ZNF324B: variants seen among roughly 807,000 people sequenced by gnomAD.
ZNF324B encodes the protein zinc finger protein 324B.
In ZNF324B, 7 loss-of-function variants were observed where a neutral mutation model predicts 10.6. The observed-to-expected ratio is 0.66, with a 90% CI of 0.38 to 1.24. The LOEUF is 1.24. Among genes scored for constraint, ZNF324B ranks in the 50% most tolerant of loss-of-function variants. The pLI is 0.02. For missense variants in ZNF324B, 640 were observed against 764.7 expected (o/e 0.84, Z 1.92); for synonymous variants, 316 against 321.0 (o/e 0.98, Z 0.17).
In ZNF324B at chr19:58,456,124, G is replaced by A. The variant is rs1365234100; in HGVS notation, c.1180G>A (p.Glu394Lys). 5 of 1,613,428 alleles carry A rather than the reference G, an allele frequency of 3.1e-6. No individual in the cohort carries two copies. The highest frequency in any genetic ancestry group is 1.1e-5 in the South Asian group (1 of 91,082). ...LIQHERTHTGEKPFVCALCGA... is the reference protein window; with the variant it reads ...LIQHERTHTGKKPFVCALCGA... The stretch of plus-strand genomic sequence containing the variant: ...CCAGCACGAGCGTACGCACACAGGC[G>A]AGAAGCCCTTCGTATGCGCGCTCTG... The change falls in exon 4 of 4, where the codon GAG becomes AAG. Residue 394 changes from glutamate (E) to lysine (K), a missense_variant. Around this residue, in one of 3 missense-constraint regions of ZNF324B, gnomAD observed 238 missense variants for 258.0 expected, o/e 0.92. Transcript: ENST00000336614. This position sits in a 1 kb window ranked among gnomAD's most constrained non-coding sequence, Gnocchi z 4.7.
the ZNF324B span, chr19:58,445,153 G>C: frequency 3.5e-6 from 1 of 286,770 alleles, no homozygotes. Context: ...ACCGGAAAAT[G>C]GTTGTACAAA....
rs779972513 is a variant in ZNF324B at position 58,454,507 on chromosome 19, C to T, written c.238+163C>T. 3 of 608,788 alleles carry T rather than the reference C, an allele frequency of 4.9e-6. No individual in the cohort carries two copies. The South Asian group carries it at 6.0e-5, about 12-fold the overall frequency. 37.7% of individuals were successfully genotyped at this position (608,788 alleles called of 1,614,324 possible). A position where few individuals can be genotyped will look rare whatever the true frequency, so the allele number is the denominator to read the frequency against. On this transcript the variant is annotated intron_variant, in intron 3 of 3. Coordinates refer to ENST00000336614, the MANE Select transcript of ZNF324B (RefSeq NM_207395.3). The stretch of plus-strand genomic sequence containing the variant: ...TGGAGGCTGCTGCCTTAGTAGGTGC[C>T]CTTGAAGGGAGAGCTCCAAGGGCAC...
At position 58,456,241 on chromosome 19, in the gene ZNF324B, T is replaced by G. The variant is rs765855627; in HGVS notation, c.1297T>G (p.Ser433Ala). 4.0e-5 allele frequency: 65 copies of G among 1,612,642 alleles called. No individual in the cohort carries two copies. Among genetic ancestry groups the G allele is most frequent in the Non-Finnish European group, 5.1e-5 (60 of 1,179,792 alleles). Reference sequence around the variant, plus strand: ...CTTCGCCTGCGCCCAGTGCGGCCGCTCCTTTAGCCGCAGCTCCAACCTCAC... The same window carrying G: ...CTTCGCCTGCGCCCAGTGCGGCCGCGCCTTTAGCCGCAGCTCCAACCTCAC... ...KPFACAQCGR[S>A]FSRSSNLTQH... The change falls in exon 4 of 4, where the codon TCC becomes GCC. Residue 433 changes from serine to alanine, a missense_variant. By Grantham distance (99) the Ser-to-Ala change is moderately conservative. Around this residue, in one of 3 missense-constraint regions of ZNF324B, gnomAD observed 238 missense variants for 258.0 expected, o/e 0.92. Coordinates refer to ENST00000336614, the MANE Select transcript of ZNF324B (RefSeq NM_207395.3). This position sits in a 1 kb window ranked among gnomAD's most constrained non-coding sequence, Gnocchi z 4.7.
the ZNF324B span, chr19:58,435,449 A>G: frequency 4.3e-6 from 2 of 465,626 alleles, no homozygotes; most frequent in Non-Finnish European, 7.6e-6. Context: ...GGGTCAAAGG[A>G]CTTAAATAGA....
chr19:58,455,816 G>A lies in ZNF324B; in HGVS notation c.872G>A (p.Gly291Asp), dbSNP rs543420846. The change falls in exon 4 of 4, where the codon GGC (glycine) becomes GAC (aspartate). Residue 291 changes from glycine to aspartate, a missense_variant. By Grantham distance (94) the Gly-to-Asp change is moderately conservative (BLOSUM62 -1). This residue lies in a region of ZNF324B where 345 missense variants were observed against 387.9 expected (regional missense o/e 0.89). Coordinates refer to ENST00000336614, the MANE Select transcript of ZNF324B (RefSeq NM_207395.3). This position sits in a 1 kb window ranked among gnomAD's most constrained non-coding sequence, Gnocchi z 7.0. ...CGGCCCTACGAGTGCACCCAGTGCG[G>A]CAAGGCCTTCAGCCAGACGTCGCAC... ...GERPYECTQC[G>D]KAFSQTSHLT... The A allele has an allele frequency of 6.2e-7, 1 of 1,614,104 alleles. No individual in the cohort carries two copies. The highest frequency in any genetic ancestry group is 1.3e-5 in the African/African-American group (1 of 75,070).
At chr19:58,421,765 A>G in the ZNF324B span, among the ~76,000 whole-genome samples, 1 of 152,230 alleles carries the variant, frequency 6.6e-6, no homozygotes, top group Admixed American at 6.5e-5. Flanking sequence ...AGACTTGTAC[A>G]CTGAAAACTA....
chr19:58,423,261 C>T, the ZNF324B span, among the ~76,000 whole-genome samples: 2 of 152,138 alleles, frequency 1.3e-5, no homozygotes, highest in East Asian at 1.9e-4. Context: ...CCGGGGTTCT[C>T]GCCATTCTCC....
Position 58,453,824 on chromosome 19 carries a change from TA to T in ZNF324B, c.121+4del. 6 of 1,613,422 alleles carry T rather than the reference TA, an allele frequency of 3.7e-6. No individual in the cohort carries two copies. Among genetic ancestry groups the T allele is most frequent in the Non-Finnish European group, 5.1e-6 (6 of 1,179,556 alleles). ...ACTTCACACTTGTGACCTCACTTGG[TA>T]AGGCCCTGGGTGCTCCATGAAAAGT... On this transcript the variant is annotated splice_donor_region_variant and intron_variant, in intron 2 of 3. Transcript: ENST00000336614.
At chr19:58,433,649 A>G in the ZNF324B span, 1 of 1,614,160 alleles carries the variant, frequency 6.2e-7, no homozygotes, top group East Asian at 2.2e-5. Context: ...CTGCATTTAT[A>G]AGGCTTTTCT....
Position 58,453,682 on chromosome 19 carries a change from C to T in ZNF324B, c.-6-14C>T. 6.2e-7 allele frequency: 1 copy of T among 1,614,174 alleles called. No individual in the cohort carries two copies. The highest frequency in any genetic ancestry group is 8.5e-7 in the Non-Finnish European group (1 of 1,180,022). On this transcript the variant is annotated splice_polypyrimidine_tract_variant and intron_variant, in intron 1 of 3. Transcript: ENST00000336614. ...CCTTAGACCATGCCTACCTCCACCT[C>T]CCTGCTGTTTTAGGACCTGATGACC...
chr19:58,435,239 A>T, the ZNF324B span: 1 of 1,587,694 alleles, frequency 6.3e-7, no homozygotes. Flanking sequence ...CCAGTTAACT[A>T]AGAATTCCAC....
rs1223787044 is a variant in ZNF324B, at chr19:58,456,845, G to A, written c.*266G>A. The A allele has an allele frequency of 7.1e-6, 4 of 563,480 alleles. No individual in the cohort carries two copies. Among genetic ancestry groups the A allele is most frequent in the Non-Finnish European group, 1.3e-5 (4 of 316,722 alleles). The allele number at this position is 563,480 out of a possible 1,614,324, so 34.9% of individuals were successfully genotyped here. ...TCAGCTGGAACTCTGGTGGGGCTGA[G>A]GCTGTAGTTGGGGCCATAGGACGCC... On this transcript the variant is annotated 3_prime_UTR_variant, in exon 4 of 4. Coordinates refer to ENST00000336614, the MANE Select transcript of ZNF324B (RefSeq NM_207395.3). The surrounding 1 kb of genome is among the most constrained non-coding windows in gnomAD (Gnocchi z 4.7).
intron 1 of ZNF324B, chr19:58,452,798 T>G (rs559586370): frequency 3.7e-6 from 1 of 269,678 alleles, no homozygotes; most frequent in South Asian, 1.4e-4. Context: ...GAAAACCGGC[T>G]GGGGTGCCTG....
In ZNF324B at chr19:58,454,355, G is replaced by A; in HGVS notation, c.238+11G>A. The A allele has an allele frequency of 6.3e-7, 1 of 1,588,290 alleles. No individual in the cohort carries two copies. The highest frequency in any genetic ancestry group is 8.6e-7 in the Non-Finnish European group (1 of 1,156,368). On this transcript the variant is annotated intron_variant, in intron 3 of 3. Coordinates refer to ENST00000336614, the MANE Select transcript of ZNF324B (RefSeq NM_207395.3). The stretch of plus-strand genomic sequence containing the variant: ...GGAGGCTCAACTCTGGTGAGTGGGA[G>A]CTCAGGTGGGGTGAACTAAGGACCA...
At position 58,457,621 on chromosome 19, in the gene ZNF324B, T is replaced by A. The variant is rs1032513242; in HGVS notation, c.*1042T>A. Reference sequence around the variant, plus strand: ...GGACTTGCCATTACCTAAGGCCATGTGTGACAGCCTCCTGAGGACCTCCCC... The same window carrying A: ...GGACTTGCCATTACCTAAGGCCATGAGTGACAGCCTCCTGAGGACCTCCCC... On this transcript the variant is annotated 3_prime_UTR_variant, in exon 4 of 4. Coordinates refer to ENST00000336614, the MANE Select transcript of ZNF324B (RefSeq NM_207395.3). The A allele has an allele frequency of 6.6e-6, 1 of 150,398 alleles. No individual in the cohort carries two copies. The highest frequency in any genetic ancestry group is 2.5e-5 in the African/African-American group (1 of 40,810). The allele number at this position is 150,398 out of a possible 1,614,324, so 9.3% of individuals were successfully genotyped here.
chr19:58,423,199 G>A, the ZNF324B span, among the ~76,000 whole-genome samples: 2 of 150,966 alleles, frequency 1.3e-5, no homozygotes, highest in Admixed American at 6.6e-5. Flanking sequence ...TTGCTCTGTC[G>A]CCCAGGCTGG....
chr19:58,432,549 T>C, the ZNF324B span, among the ~76,000 whole-genome samples: 1 of 152,222 alleles, frequency 6.6e-6, no homozygotes, highest in Non-Finnish European at 1.5e-5. Flanking sequence ...ACCCTGTGAC[T>C]ATTTTAGTGT....
At chr19:58,451,539 T>A (rs534804146), upstream of ZNF324B, 124 of 501,448 alleles carry the variant, frequency 2.5e-4, 1 homozygote, top group African/African-American at 1.9e-3. Flanking sequence ...AGGAACCACA[T>A]AACCCAGAAG....
the ZNF324B span, among the ~76,000 whole-genome samples, chr19:58,436,647 G>GA: frequency 1.6e-5 from 2 of 125,338 alleles, no homozygotes; most frequent in East Asian, 5.4e-4. Flanking sequence ...CAGCCTGGGG[G>GA]ACAGAGCAAG....
Sources: allele counts gnomAD v4.1 joint callset (sites outside exome capture counted in the v4.1 genomes callset), GRCh38; gene constraint gnomAD v4.1.1; regional missense constraint gnomAD v4.1.1; non-coding constraint Gnocchi (gnomAD v3.1); transcripts MANE v1.5; gene names NCBI Gene and HGNC (gene_info 2026-07-23, HGNC 2026-07-21).